Variants in MKLN1 observed in about 807,000 individuals in gnomAD.
The protein encoded by MKLN1 is muskelin 1.
Under a neutral mutation model 99.0 loss-of-function variants are expected in MKLN1, and 18 were observed. The observed-to-expected ratio is 0.18, with a 90% CI of 0.13 to 0.27. The LOEUF (loss-of-function observed/expected upper bound fraction) is 0.27. Ranked by LOEUF, MKLN1 falls within the 10% of genes least tolerant of loss-of-function variation. MKLN1 has a pLI of 1.00. For synonymous variants in MKLN1, 288 were observed against 293.2 expected (o/e 0.98, Z 0.18); for missense variants, 621 against 875.9 (o/e 0.71, Z 3.67).
intron 3 of MKLN1, among the ~76,000 whole-genome samples, chr7:131,322,603 G>T (rs535442596): frequency 1.6e-5 from 2 of 124,742 alleles, no homozygotes; most frequent in Non-Finnish European, 3.2e-5. Flanking sequence ...TCGCTCTGTC[G>T]CCCAGGCCGG....
At chr7:131,212,300 T>C (rs1796917524) in intron 3 of MKLN1, among the ~76,000 whole-genome samples, 1 of 152,206 alleles carries the variant, frequency 6.6e-6, no homozygotes, top group Non-Finnish European at 1.5e-5. Flanking sequence ...GGCAGAGGGA[T>C]AGGACCATGG....
chr7:131,319,275 G>A (rs1413861947), intron 3 of MKLN1, among the ~76,000 whole-genome samples: 1 of 152,204 alleles, frequency 6.6e-6, no homozygotes, highest in African/African-American at 2.4e-5. Context: ...TCATTGGGGT[G>A]CAAGGCTGGT....
intron 17 of MKLN1, among the ~76,000 whole-genome samples, chr7:131,479,355 T>C (rs562040221): frequency 3.3e-5 from 5 of 152,098 alleles, no homozygotes; most frequent in African/African-American, 1.2e-4. Flanking sequence ...TAGTAAGACC[T>C]CGTCTCTACA....
chr7:131,271,645 G>T (rs950554824), intron 3 of MKLN1, among the ~76,000 whole-genome samples: 3 of 145,424 alleles, frequency 2.1e-5, no homozygotes, highest in East Asian at 2.1e-4. Context: ...AAATTTGGCC[G>T]GGCATGGTTG....
intron 17 of MKLN1, among the ~76,000 whole-genome samples, chr7:131,482,509 A>G (rs1797153659): frequency 6.6e-6 from 1 of 152,166 alleles, no homozygotes; most frequent in Non-Finnish European, 1.5e-5. Flanking sequence ...TACATTTAAT[A>G]ATGTGTATGC....
intron 3 of MKLN1, among the ~76,000 whole-genome samples, chr7:131,279,588 A>G (rs1400774088): frequency 6.6e-6 from 1 of 152,142 alleles, no homozygotes; most frequent in Non-Finnish European, 1.5e-5. Flanking sequence ...CAGGAGGATC[A>G]CTTGAGGCCA....
intron 7 of MKLN1, among the ~76,000 whole-genome samples, chr7:131,411,736 G>T (rs184139567): frequency 6.6e-6 from 1 of 151,808 alleles, no homozygotes. Context: ...GCAAAACCCT[G>T]TCTCTACTAA....
chr7:131,159,735 C>T (rs1419472023), intron 2 of MKLN1, among the ~76,000 whole-genome samples: 4 of 151,950 alleles, frequency 2.6e-5, no homozygotes, highest in African/African-American at 9.7e-5. Context: ...CACATGTACC[C>T]CAACAATATG....
chr7:131,329,677 C>T (rs1175456125), intron 1 of MKLN1, among the ~76,000 whole-genome samples: 1 of 152,098 alleles, frequency 6.6e-6, no homozygotes, highest in Non-Finnish European at 1.5e-5. Flanking sequence ...AAGTACCATC[C>T]GCGTTATCTG....
chr7:131,139,914 G>T (rs370577216), intron 1 of MKLN1, among the ~76,000 whole-genome samples: 14 of 152,320 alleles, frequency 9.2e-5, no homozygotes, highest in African/African-American at 3.4e-4. Flanking sequence ...AGCATTGGCA[G>T]GAGGTCAGCT....
intron 2 of MKLN1, among the ~76,000 whole-genome samples, chr7:131,192,312 A>G (rs1194629230): frequency 2.3e-5 from 2 of 86,222 alleles, no homozygotes; most frequent in African/African-American, 1.0e-4. Flanking sequence ...AATATATAAA[A>G]TATAATATAT....
In MKLN1 at chr7:131,455,561, G is replaced by A. The variant is rs550534281; in HGVS notation, c.1526-7656G>A. Reference sequence around the variant, plus strand: ...AAATGTTCTTTCAAAATATGTTAATGATTAACGTTTACTGATCTGCTTGAT... The same window carrying A: ...AAATGTTCTTTCAAAATATGTTAATAATTAACGTTTACTGATCTGCTTGAT... On this transcript the variant is annotated intron_variant, in intron 12 of 17. Transcript: ENST00000352689. Among the ~76,000 whole-genome samples the A allele has an allele frequency of 4.6e-5, 7 of 152,148 alleles. No homozygotes were observed. In the South Asian group the frequency reaches 1.5e-3, roughly 32 times the overall value.
At chr7:131,229,549 T>TGG (rs397750607) in intron 3 of MKLN1, among the ~76,000 whole-genome samples, 1 of 69,522 alleles carries the variant, frequency 1.4e-5, no homozygotes, top group African/African-American at 4.9e-5. Context: ...TGTGTGTGTG[T>TGG]TGTTGTTGTT....
chr7:131,217,796 A>G (rs1238584156), intron 3 of MKLN1, among the ~76,000 whole-genome samples: 1 of 152,228 alleles, frequency 6.6e-6, no homozygotes, highest in African/African-American at 2.4e-5. Context: ...AGCATTATGC[A>G]CAATAGCCAA....
rs563674189 is a variant in MKLN1 at position 131,313,177 on chromosome 7, A to G, written c.-178-62247A>G. 2.0e-4 allele frequency among the ~76,000 whole-genome samples: 31 copies of G among 152,332 alleles called. 1 individual carries two copies. The South Asian group carries it at 2.9e-3, about 14-fold the overall frequency. On this transcript the variant is annotated intron_variant, in intron 3 of 7. Transcript: ENST00000416992. The stretch of plus-strand genomic sequence containing the variant: ...TTACTTTACCAATAATTTAAAAACT[A>G]TCTTAATTTAAACCCAAGATTACTA...
intron 3 of MKLN1, among the ~76,000 whole-genome samples, chr7:131,273,027 A>C (rs1797910711): frequency 6.6e-6 from 1 of 152,264 alleles, no homozygotes; most frequent in Admixed American, 6.5e-5. Context: ...AAAGGATGTT[A>C]GAACCAGAAG....
chr7:131,205,423 T>G (rs1796795418), intron 3 of MKLN1, among the ~76,000 whole-genome samples: 1 of 152,216 alleles, frequency 6.6e-6, no homozygotes, highest in Admixed American at 6.5e-5. Flanking sequence ...ATTATTACCT[T>G]TATTTGGTGA....
intron 3 of MKLN1, among the ~76,000 whole-genome samples, chr7:131,287,270 T>G (rs1250619677): frequency 6.6e-6 from 1 of 152,242 alleles, no homozygotes; most frequent in Non-Finnish European, 1.5e-5. Context: ...CCGTAACAAA[T>G]TACTACAAAC....
chr7:131,331,093 A>G (rs17165564), intron 1 of MKLN1, among the ~76,000 whole-genome samples: 51,755 of 152,064 alleles, frequency 0.34, 9,373 homozygotes, highest in East Asian at 0.48. Context: ...TAATGATGCT[A>G]GTTACAATTT....
Sources: allele counts gnomAD v4.1 joint callset (sites outside exome capture counted in the v4.1 genomes callset), GRCh38; gene constraint gnomAD v4.1.1; transcripts MANE v1.5; gene names NCBI Gene and HGNC (gene_info 2026-07-23, HGNC 2026-07-21).